The following PDE8B variants were observed in gnomAD, a reference collection of about 807,000 sequenced individuals.
PDE8B encodes high affinity cAMP-specific and IBMX-insensitive 3',5'-cyclic phosphodiesterase 8B.
A neutral mutation model predicts 101.3 loss-of-function variants in PDE8B; 26 were observed. The ratio of observed to expected loss-of-function variants is 0.26; its 90% CI spans 0.19 to 0.36. PDE8B has a LOEUF of 0.36. Among genes scored for constraint, PDE8B ranks in the 10% least tolerant of loss-of-function variants. PDE8B has a pLI of 1.00. For synonymous variants in PDE8B, 424 were observed against 429.3 expected (o/e 0.99, Z 0.15); for missense variants, 810 against 1,163.1 (o/e 0.70, Z 4.42).
At chr5:77,389,348 C>T (rs958056228) in intron 10 of PDE8B, among the ~76,000 whole-genome samples, 1 of 152,154 alleles carries the variant, frequency 6.6e-6, no homozygotes, top group Admixed American at 6.5e-5. Context: ...CTTGTGTTTC[C>T]CAGGTGAGGC....
chr5:77,126,739 T>C, the PDE8B span, among the ~76,000 whole-genome samples: 204 of 152,388 alleles, frequency 1.3e-3, no homozygotes, highest in Non-Finnish European at 2.2e-3. Context: ...TTTAAGAAGA[T>C]AAATGCTTGT....
At chr5:77,410,854 ATTATAC>A (rs1214011318) in intron 14 of PDE8B, 7 of 152,028 alleles carry the variant, frequency 4.6e-5, no homozygotes, top group Non-Finnish European at 7.3e-5. Context: ...TTTTATTATT[ATTATAC>A]TTTAAGTTTT....
the PDE8B span, chr5:77,151,883 GTT>G: frequency 1.3e-5 from 2 of 152,160 alleles, no homozygotes; most frequent in African/African-American, 4.8e-5. Context: ...TAAAAATTCT[GTT>G]TTCTAGTTTC....
the PDE8B span, among the ~76,000 whole-genome samples, chr5:77,162,570 G>A: frequency 3.3e-5 from 5 of 152,070 alleles, no homozygotes; most frequent in African/African-American, 1.2e-4. Flanking sequence ...GGAAAAAATA[G>A]ACATATAGAT....
chr5:77,359,321 C>T (rs567419588), intron 10 of PDE8B, among the ~76,000 whole-genome samples: 17 of 152,202 alleles, frequency 1.1e-4, no homozygotes, highest in South Asian at 2.1e-4. Flanking sequence ...TCTTGGCTTG[C>T]GAGGGAAAGG....
At chr5:77,291,850 T>C in intron 1 of PDE8B, 24 of 1,487,470 alleles carry the variant, frequency 1.6e-5, no homozygotes, top group Non-Finnish European at 2.2e-5. Context: ...TCGGCAGCTG[T>C]TTTTGAAGAA....
the PDE8B span, among the ~76,000 whole-genome samples, chr5:77,156,157 G>A: frequency 6.6e-6 from 1 of 152,174 alleles, no homozygotes; most frequent in African/African-American, 2.4e-5. Context: ...GAGAGAGGTG[G>A]CCCAGAAACA....
At chr5:77,241,139 C>G (rs1246208953) in intron 1 of PDE8B, among the ~76,000 whole-genome samples, 1 of 143,396 alleles carries the variant, frequency 7.0e-6, no homozygotes, top group Non-Finnish European at 1.5e-5. Flanking sequence ...GGAAGAGTGG[C>G]TTTTGAATAA....
chr5:77,221,248 CT>C (rs1377539847), intron 1 of PDE8B, among the ~76,000 whole-genome samples: 1 of 152,170 alleles, frequency 6.6e-6, no homozygotes, highest in African/African-American at 2.4e-5. Flanking sequence ...TCTTAAGTCT[CT>C]TTTAATCTGT....
In PDE8B at chr5:77,334,005, A is replaced by G. The variant is rs567469228; in HGVS notation, c.708+2546A>G. Among the ~76,000 whole-genome samples, 10 of 152,330 alleles carry G rather than the reference A, an allele frequency of 6.6e-5. 2 individuals are homozygous for G. In the South Asian group the frequency reaches 2.1e-3, roughly 32 times the overall value. ...AGTAGCTTGGGCTCATTCCAGGAGAAGCACGCTGCACCTACAACAGCTCTC... is the reference window on the plus strand; with the variant it reads ...AGTAGCTTGGGCTCATTCCAGGAGAGGCACGCTGCACCTACAACAGCTCTC... On this transcript the variant is annotated intron_variant, in intron 5 of 21. Coordinates refer to ENST00000264917, the MANE Select transcript of PDE8B (RefSeq NM_003719.5).
intron 10 of PDE8B, among the ~76,000 whole-genome samples, chr5:77,357,291 G>A (rs1419847347): frequency 6.6e-6 from 1 of 152,168 alleles, no homozygotes; most frequent in Non-Finnish European, 1.5e-5. Flanking sequence ...ATCCCTGCTT[G>A]TCTGGGCAGC....
intron 1 of PDE8B, among the ~76,000 whole-genome samples, chr5:77,294,088 G>A (rs1767984653): frequency 6.6e-6 from 1 of 152,002 alleles, no homozygotes; most frequent in Admixed American, 6.6e-5. Context: ...CATGGATCCT[G>A]CTCTGTAGTA....
the PDE8B span, among the ~76,000 whole-genome samples, chr5:77,196,710 G>A: frequency 6.6e-6 from 1 of 152,194 alleles, no homozygotes; most frequent in Non-Finnish European, 1.5e-5. Flanking sequence ...CTTATAACAT[G>A]AGCTGTGAAG....
chr5:77,196,388 A>G, the PDE8B span, among the ~76,000 whole-genome samples: 1 of 152,088 alleles, frequency 6.6e-6, no homozygotes, highest in South Asian at 2.1e-4. Flanking sequence ...TTTTCTTCTG[A>G]GAGTTTTATA....
At chr5:77,326,845 G>A (rs745773753) in intron 3 of PDE8B, among the ~76,000 whole-genome samples, 8 of 151,972 alleles carry the variant, frequency 5.3e-5, no homozygotes, top group Non-Finnish European at 1.0e-4. Context: ...ACACTTCTTT[G>A]TTCCTATATA....
intron 1 of PDE8B, among the ~76,000 whole-genome samples, chr5:77,221,867 A>G (rs2149435141): frequency 6.6e-6 from 1 of 152,328 alleles, no homozygotes; most frequent in South Asian, 2.1e-4. Context: ...CTTTTCTTGA[A>G]GAAACAGTTC....
intron 1 of PDE8B, among the ~76,000 whole-genome samples, chr5:77,292,484 C>T (rs146193553): frequency 5.6e-4 from 86 of 152,320 alleles, no homozygotes; most frequent in African/African-American, 2.0e-3. Flanking sequence ...CAGTGTTCCT[C>T]TCCCTCTAGC....
chr5:77,328,815 C>T (rs979737668), intron 3 of PDE8B, among the ~76,000 whole-genome samples, 183 bp from the exon 4 acceptor site: 3 of 152,112 alleles, frequency 2.0e-5, no homozygotes, highest in African/African-American at 4.8e-5. Flanking sequence ...AATTTTTTAA[C>T]GAAATGAAGA....
At chr5:77,170,049 T>C in the PDE8B span, among the ~76,000 whole-genome samples, 1 of 152,148 alleles carries the variant, frequency 6.6e-6, no homozygotes, top group Non-Finnish European at 1.5e-5. Flanking sequence ...AATGTGGAGG[T>C]TACCCCTGAG....
Sources: gnomAD v4.1 joint callset for allele counts (sites outside exome capture counted in the v4.1 genomes callset) on GRCh38, gnomAD v4.1.1 for gene constraint, MANE v1.5 for transcripts, NCBI Gene and HGNC (gene_info 2026-07-23, HGNC 2026-07-21) for gene names.